The following GULP1 variants were observed in gnomAD, a reference collection of about 807,000 sequenced individuals.
GULP1 encodes the protein GULP PTB domain containing engulfment adaptor 1, also known as PTB domain-containing engulfment adapter protein 1.
GULP1 carries 19 observed loss-of-function variants against 40.9 expected under a neutral mutation model. The observed-to-expected ratio is 0.46, with a 90% confidence interval of 0.32 to 0.68. The LOEUF is 0.68. Among genes scored for constraint, GULP1 ranks in the 30% least tolerant of loss-of-function variants. The pLI is 0.03. For missense variants in GULP1, 312 were observed against 362.2 expected (o/e 0.86, Z 1.12); for synonymous variants, 119 against 117.6 (o/e 1.01, Z -0.08).
rs1482643996 is a variant in GULP1 at position 188,595,160 on chromosome 2, T to G, written c.*1149T>G. 1 of 151,828 alleles carries G rather than the reference T, an allele frequency of 6.6e-6. No individual in the cohort carries two copies. The highest frequency in any genetic ancestry group is 2.1e-4 in the South Asian group (1 of 4,826). 9.4% of individuals were successfully genotyped at this position (151,828 alleles called of 1,614,324 possible). A position where few individuals can be genotyped will look rare whatever the true frequency, so the allele number is the denominator to read the frequency against. On this transcript the variant is annotated 3_prime_UTR_variant, in exon 12 of 12. Coordinates refer to ENST00000409830, the MANE Select transcript of GULP1 (RefSeq NM_016315.4). ...ATTGATGTGCTGATGAACCTGGACT[T>G]TTAAAAATATTTGTTTCCTATACCT...
At position 188,329,448 on chromosome 2, in the gene GULP1, G is replaced by A. The variant is rs1482175092; in HGVS notation, c.-172+37282G>A. Among the ~76,000 whole-genome samples, 4 of 152,072 alleles carry A rather than the reference G, an allele frequency of 2.6e-5. 1 individual carries two copies. Among genetic ancestry groups the A allele is most frequent in the Admixed American group, 2.0e-4 (3 of 15,260 alleles). On this transcript the variant is annotated intron_variant, in intron 1 of 11. Coordinates refer to ENST00000409830, the MANE Select transcript of GULP1 (RefSeq NM_016315.4). ...GAAGAAAAAAGCCATGGAGGTGTGTGGGGGAAAGAACCATCTGCATAGAAA... is the reference window on the plus strand; with the variant it reads ...GAAGAAAAAAGCCATGGAGGTGTGTAGGGGAAAGAACCATCTGCATAGAAA...
At chr2:188,358,044 G>A (rs1221674546) in intron 1 of GULP1, among the ~76,000 whole-genome samples, 3 of 152,122 alleles carry the variant, frequency 2.0e-5, no homozygotes. Context: ...AGTGGGGTGT[G>A]GTGGCACACG....
Position 188,595,845 on chromosome 2 carries a change from T to G in GULP1, c.*1834T>G, listed in dbSNP as rs1704332389. ...CATTTATTTCTCCAGTGCGTTTTTA[T>G]GAAGATCTGGTTGAAAATTGTATTT... On this transcript the variant is annotated 3_prime_UTR_variant, in exon 12 of 12. Coordinates refer to ENST00000409830, the MANE Select transcript of GULP1 (RefSeq NM_016315.4). 6.6e-6 allele frequency: 1 copy of G among 152,306 alleles called. No homozygotes were observed. Among genetic ancestry groups the G allele is most frequent in the Non-Finnish European group, 1.5e-5 (1 of 67,818 alleles). 9.4% of individuals were successfully genotyped at this position (152,306 alleles called of 1,614,324 possible). A position where few individuals can be genotyped will look rare whatever the true frequency, so the allele number is the denominator to read the frequency against.
intron 2 of GULP1, among the ~76,000 whole-genome samples, chr2:188,467,712 A>T (rs1299074697): frequency 6.6e-6 from 1 of 152,086 alleles, no homozygotes; most frequent in African/African-American, 2.4e-5. Flanking sequence ...TCATTTACAA[A>T]TATCTTTCCC....
chr2:188,474,397 G>A (rs2060836402), intron 2 of GULP1, among the ~76,000 whole-genome samples: 1 of 152,262 alleles, frequency 6.6e-6, no homozygotes, highest in East Asian at 1.9e-4. Context: ...AAGGCTTGTG[G>A]TAACTAAAGT....
At chr2:188,502,679 A>G (rs183099278) in intron 4 of GULP1, among the ~76,000 whole-genome samples, 22 of 152,042 alleles carry the variant, frequency 1.4e-4, no homozygotes, top group Non-Finnish European at 2.7e-4. Context: ...TATATTTTCT[A>G]CACTATAAAA....
At chr2:188,492,773 A>G (rs1359937657) in intron 4 of GULP1, among the ~76,000 whole-genome samples, 1 of 152,096 alleles carries the variant, frequency 6.6e-6, no homozygotes, top group African/African-American at 2.4e-5. Context: ...CTTTGCCAAA[A>G]GCGATATTAG....
intron 2 of GULP1, among the ~76,000 whole-genome samples, chr2:188,392,107 G>C (rs1305898151): frequency 6.6e-6 from 1 of 152,008 alleles, no homozygotes; most frequent in East Asian, 1.9e-4. Flanking sequence ...TTTGGTATCA[G>C]GGTGATACTG....
At chr2:188,330,917 A>T (rs2041482864) in intron 1 of GULP1, among the ~76,000 whole-genome samples, 1 of 152,068 alleles carries the variant, frequency 6.6e-6, no homozygotes, top group Non-Finnish European at 1.5e-5. Context: ...TTGAGCTTTT[A>T]CTTGTTCTTT....
At chr2:188,543,546 A>G (rs1016345542) in intron 7 of GULP1, among the ~76,000 whole-genome samples, 6 of 152,198 alleles carry the variant, frequency 3.9e-5, no homozygotes, top group Non-Finnish European at 8.8e-5. Flanking sequence ...TATTATATGT[A>G]TGCAGAATTT....
At chr2:188,513,678 A>C (rs1256827061) in intron 4 of GULP1, among the ~76,000 whole-genome samples, 3 of 152,170 alleles carry the variant, frequency 2.0e-5, no homozygotes, top group Non-Finnish European at 4.4e-5. Context: ...ATAAATAAAC[A>C]GAAAAACCTT....
intron 2 of GULP1, among the ~76,000 whole-genome samples, chr2:188,408,549 T>G (rs560621908): frequency 6.6e-6 from 1 of 152,118 alleles, no homozygotes; most frequent in Non-Finnish European, 1.5e-5. Context: ...AAGAGAGAGA[T>G]AGACTGTAGT....
intron 1 of GULP1, among the ~76,000 whole-genome samples, chr2:188,350,889 A>G (rs2044359869): frequency 6.6e-6 from 1 of 152,138 alleles, no homozygotes; most frequent in South Asian, 2.1e-4. Context: ...GGCATTGTAG[A>G]GTTTAGAAAG....
chr2:188,522,991 A>G, intron 5 of GULP1, 164 bp downstream of exon 5: 1 of 511,302 alleles, frequency 2.0e-6, no homozygotes, highest in Non-Finnish European at 3.6e-6. Flanking sequence ...CATTTTTAAT[A>G]ACAAACATGT....
At chr2:188,592,713 T>C (rs1476098399) in intron 11 of GULP1, 5 of 152,190 alleles carry the variant, frequency 3.3e-5, no homozygotes, top group Middle Eastern at 3.4e-3. Flanking sequence ...TCCTCCTCTA[T>C]ATGATGATGT....
At chr2:188,360,866 TAAC>T (rs1203982326) in intron 1 of GULP1, among the ~76,000 whole-genome samples, 1 of 152,106 alleles carries the variant, frequency 6.6e-6, no homozygotes, top group Non-Finnish European at 1.5e-5. Flanking sequence ...ATAGCCCAAA[TAAC>T]AGTCTTGATT....
intron 4 of GULP1, among the ~76,000 whole-genome samples, chr2:188,515,803 T>A (rs756213685): frequency 4.6e-5 from 7 of 152,142 alleles, no homozygotes; most frequent in Non-Finnish European, 8.8e-5. Context: ...TAGTAAATGC[T>A]AGACTGATAG....
At chr2:188,483,130 A>G (rs2153059869) in intron 3 of GULP1, among the ~76,000 whole-genome samples, 1 of 152,158 alleles carries the variant, frequency 6.6e-6, no homozygotes, top group East Asian at 1.9e-4. Context: ...TTAAATCACA[A>G]ATGAATGCAA....
intron 9 of GULP1, among the ~76,000 whole-genome samples, chr2:188,575,522 T>A (rs1699995768): frequency 6.6e-6 from 1 of 152,292 alleles, no homozygotes; most frequent in East Asian, 1.9e-4. Context: ...AGAGAATGAT[T>A]GAGAATTTTG....
Sources: gnomAD v4.1 joint callset for allele counts (sites outside exome capture counted in the v4.1 genomes callset) on GRCh38, gnomAD v4.1.1 for gene constraint, MANE v1.5 for transcripts, NCBI Gene and HGNC (gene_info 2026-07-23, HGNC 2026-07-21) for gene names.